The following PPARGC1A variants were observed in gnomAD, a reference collection of about 807,000 sequenced individuals.
PPARGC1A encodes PPARG coactivator 1 alpha, also known as peroxisome proliferator-activated receptor gamma coactivator 1-alpha.
Under a neutral mutation model 88.7 loss-of-function variants are expected in PPARGC1A, and 25 were observed. The observed-to-expected ratio is 0.28, with a 90% CI of 0.21 to 0.39. PPARGC1A has a LOEUF of 0.39. PPARGC1A is among the 10% of genes least tolerant of loss of function. PPARGC1A has a pLI of 1.00. For missense variants in PPARGC1A, 880 were observed against 968.7 expected (o/e 0.91, Z 1.22); for synonymous variants, 363 against 355.6 (o/e 1.02, Z -0.24).
chr4:24,070,624 A>C, the PPARGC1A span, among the ~76,000 whole-genome samples: 1 of 152,140 alleles, frequency 6.6e-6, no homozygotes, highest in Admixed American at 6.6e-5. Context: ...TTCTAGAAGA[A>C]TCATTTGTTA....
At chr4:23,953,259 CT>C in the PPARGC1A span, among the ~76,000 whole-genome samples, 1 of 152,060 alleles carries the variant, frequency 6.6e-6, no homozygotes, top group Admixed American at 6.6e-5. Flanking sequence ...GTTTGGTCAA[CT>C]AAGATTTTTA....
the PPARGC1A span, among the ~76,000 whole-genome samples, chr4:24,279,128 T>C: frequency 9.1e-3 from 1,387 of 152,358 alleles, 27 homozygotes; most frequent in African/African-American, 0.031. Flanking sequence ...AATTCTATAC[T>C]TCCGTGGTCC....
the PPARGC1A span, among the ~76,000 whole-genome samples, chr4:24,401,703 G>A: frequency 1.3e-5 from 2 of 152,202 alleles, no homozygotes; most frequent in African/African-American, 4.8e-5. Context: ...AGATAGAATC[G>A]CAGCTGTCAT....
chr4:24,402,005 A>G, the PPARGC1A span, among the ~76,000 whole-genome samples: 2 of 152,208 alleles, frequency 1.3e-5, no homozygotes, highest in Admixed American at 1.3e-4. Flanking sequence ...GGAAATGGAA[A>G]TACAGCACCC....
At position 23,828,468 on chromosome 4, in the gene PPARGC1A, T is replaced by G. The variant is rs753056927; in HGVS notation, c.689A>C (p.Asn230Thr). ...PPHTKPTENR[N>T]SSRDKCTSKK... The stretch of plus-strand genomic sequence containing the variant: ...GGAGGTGCATTTGTCTCTGCTGCTG[T>G]TTCTGTTCTCTGTGGGTTTGGTGTG... Residue 230 changes from asparagine (N) to threonine (T), a missense_variant, in exon 5 of 13, where the codon AAC (asparagine) becomes ACC (threonine). Asn to Thr is a moderately conservative substitution (Grantham distance 65). Transcript: ENST00000264867. The G allele has an allele frequency of 6.2e-7, 1 of 1,614,132 alleles. No individual in the cohort carries two copies. The highest frequency in any genetic ancestry group is 8.5e-7 in the Non-Finnish European group (1 of 1,179,982).
At chr4:23,831,923 G>A (rs955226765) in intron 2 of PPARGC1A, among the ~76,000 whole-genome samples, 172 bp from the exon 3 acceptor site, 5 of 151,994 alleles carry the variant, frequency 3.3e-5, no homozygotes, top group African/African-American at 1.2e-4. Context: ...TGGTCCAAAT[G>A]ACACAATTAA....
the PPARGC1A span, among the ~76,000 whole-genome samples, chr4:24,014,909 T>A: frequency 6.6e-6 from 1 of 152,208 alleles, no homozygotes; most frequent in Non-Finnish European, 1.5e-5. Flanking sequence ...CATCCCATCA[T>A]ATTGACATAT....
rs1265118688 is a variant in PPARGC1A at position 23,829,609 on chromosome 4, G to C, written c.430-24C>G. 2.5e-6 allele frequency: 4 copies of C among 1,602,604 alleles called. No homozygotes were observed. The Admixed American group carries it at 5.0e-5, about 20-fold the overall frequency. On this transcript the variant is annotated intron_variant, in intron 3 of 12. Transcript: ENST00000264867. ...AGCTAGAAACATTATCAGGGAAAGG[G>C]AAAAGCAAGTAAAGTTATGCATCTT... is the stretch of plus-strand genomic sequence containing the variant.
the PPARGC1A span, among the ~76,000 whole-genome samples, chr4:24,045,935 A>T: frequency 0.36 from 55,062 of 151,916 alleles, 10,137 homozygotes; most frequent in South Asian, 0.51. Flanking sequence ...CCAAGCCATG[A>T]TATTATTTGT....
the PPARGC1A span, among the ~76,000 whole-genome samples, chr4:24,026,848 A>C: frequency 6.6e-6 from 1 of 152,128 alleles, no homozygotes; most frequent in East Asian, 1.9e-4. Flanking sequence ...CAAGAAGAGA[A>C]CTCGCGCTGC....
At position 23,855,854 on chromosome 4, in the gene PPARGC1A, T is replaced by C. The variant is rs148257797; in HGVS notation, c.235-24103A>G. Among the ~76,000 whole-genome samples the C allele has an allele frequency of 1.2e-4, 18 of 152,190 alleles. No individual in the cohort carries two copies. In the East Asian group the frequency reaches 1.9e-3, roughly 16 times the overall value. On this transcript the variant is annotated intron_variant, in intron 2 of 12. Coordinates refer to ENST00000264867, the MANE Select transcript of PPARGC1A (RefSeq NM_013261.5). Reference sequence around the variant, plus strand: ...GTAGGAGGGGAAGTCTGGATTGTTATAAGGAATTAGGCTGGCAAAGAGATG... The same window carrying C: ...GTAGGAGGGGAAGTCTGGATTGTTACAAGGAATTAGGCTGGCAAAGAGATG...
chr4:24,367,842 C>T, the PPARGC1A span, among the ~76,000 whole-genome samples: 2 of 152,148 alleles, frequency 1.3e-5, no homozygotes, highest in African/African-American at 2.4e-5. Context: ...TGTAACAAGA[C>T]AGTGTTACCA....
At chr4:24,314,688 T>C in the PPARGC1A span, among the ~76,000 whole-genome samples, 8 of 152,338 alleles carry the variant, frequency 5.3e-5, no homozygotes, top group East Asian at 7.7e-4. Flanking sequence ...GTTTTGATCA[T>C]AGAACTTACT....
Position 23,830,530 on chromosome 4 carries a change from T to C in PPARGC1A, c.430-945A>G, listed in dbSNP as rs1457384365. ...GAGAAATTGGAGAATAAATAACAAT[T>C]ACTTATGAGATATTCTCCATATGAG... is the stretch of plus-strand genomic sequence containing the variant. On this transcript the variant is annotated intron_variant, in intron 3 of 12. Coordinates refer to ENST00000264867, the MANE Select transcript of PPARGC1A (RefSeq NM_013261.5). 5.3e-5 allele frequency among the ~76,000 whole-genome samples: 8 copies of C among 152,308 alleles called. No individual in the cohort carries two copies. The East Asian group carries it at 1.5e-3, about 29-fold the overall frequency.
intron 12 of PPARGC1A, among the ~76,000 whole-genome samples, chr4:23,801,333 CAT>C (rs1159204791): frequency 1.3e-5 from 2 of 151,956 alleles, no homozygotes; most frequent in East Asian, 3.9e-4. Flanking sequence ...TACACACATA[CAT>C]GTTTAATATT....
the PPARGC1A span, among the ~76,000 whole-genome samples, chr4:24,033,530 C>T: frequency 2.6e-5 from 4 of 152,116 alleles, no homozygotes; most frequent in Non-Finnish European, 4.4e-5. Context: ...TCTTCTCCTG[C>T]CCCACAGGAA....
chr4:23,926,760 C>T, the PPARGC1A span, among the ~76,000 whole-genome samples: 4 of 152,208 alleles, frequency 2.6e-5, no homozygotes, highest in Admixed American at 6.5e-5. Context: ...TCACTGCCTG[C>T]TTGAGGCCAT....
At chr4:23,833,588 A>G (rs1725443523) in intron 2 of PPARGC1A, among the ~76,000 whole-genome samples, 1 of 152,246 alleles carries the variant, frequency 6.6e-6, no homozygotes. Context: ...CAAGAATCAC[A>G]GAATAAGATA....
At chr4:24,000,476 A>T in the PPARGC1A span, among the ~76,000 whole-genome samples, 1 of 149,048 alleles carries the variant, frequency 6.7e-6, no homozygotes, top group Admixed American at 6.8e-5. Context: ...GGCATATAAT[A>T]AAAAAATCCA....
Sources: gnomAD v4.1 joint callset for allele counts (sites outside exome capture counted in the v4.1 genomes callset) on GRCh38, gnomAD v4.1.1 for gene constraint, MANE v1.5 for transcripts, NCBI Gene and HGNC (gene_info 2026-07-23, HGNC 2026-07-21) for gene names.